Variants in OR51A4 observed in about 807,000 individuals in gnomAD.
OR51A4 encodes olfactory receptor 51A4.
For synonymous variants in OR51A4, 96 were observed against 141.5 expected (o/e 0.68, Z 2.28); for missense variants, 243 against 364.0 (o/e 0.67, Z 2.70).
Position 4,944,067 on chromosome 11 carries a change from G to A in OR51A4, c.*2092C>T, listed in dbSNP as rs1436848033. 2 of 443,638 alleles carry A rather than the reference G, an allele frequency of 4.5e-6. No individual in the cohort carries two copies. Among genetic ancestry groups the A allele is most frequent in the Non-Finnish European group, 9.0e-6 (2 of 223,422 alleles). 27.5% of individuals were successfully genotyped at this position (443,638 alleles called of 1,614,324 possible). ...CAATTAATAAAATATGTCAACTACT[G>A]CTTGGTTGTACTACAACCCCAAACC... On this transcript the variant is annotated 3_prime_UTR_variant, in exon 2 of 2. Transcript: ENST00000641898.
In OR51A4 at chr11:4,945,898, C is replaced by A; in HGVS notation, c.*261G>T. The A allele has an allele frequency of 2.2e-6, 1 of 464,546 alleles. No individual in the cohort carries two copies. The highest frequency in any genetic ancestry group is 3.9e-6 in the Non-Finnish European group (1 of 258,184). 28.8% of individuals were successfully genotyped at this position (464,546 alleles called of 1,614,324 possible). On this transcript the variant is annotated 3_prime_UTR_variant, in exon 2 of 2. Coordinates refer to ENST00000641898, the MANE Select transcript of OR51A4 (RefSeq NM_001005329.2). ...GCTGTAAAAATTATCATTTTTCTGT[C>A]TTGGTTGTAATTTGTTGCTTGTATC...
At position 4,946,103 on chromosome 11, in the gene OR51A4, A is replaced by T; in HGVS notation, c.*56T>A. 3 of 1,502,010 alleles carry T rather than the reference A, an allele frequency of 2.0e-6. No individual in the cohort carries two copies. The East Asian group carries it at 6.8e-5, about 34-fold the overall frequency. The allele number at this position is 1,502,010 out of a possible 1,614,324, so 93.0% of individuals were successfully genotyped here. A position where few individuals can be genotyped will look rare whatever the true frequency, so the allele number is the denominator to read the frequency against. ...CTTGGTGTCAAATATTAGGTTTCTC[A>T]AATTTACCTTAAATATCTTACCAGA... is the stretch of plus-strand genomic sequence containing the variant. On this transcript the variant is annotated 3_prime_UTR_variant, in exon 2 of 2. Transcript: ENST00000641898.
At position 4,945,836 on chromosome 11, in the gene OR51A4, T is replaced by C. The variant is rs1846290576; in HGVS notation, c.*323A>G. 5 of 350,268 alleles carry C rather than the reference T, an allele frequency of 1.4e-5. No homozygotes were observed. In the East Asian group the frequency reaches 2.1e-4, roughly 14 times the overall value. The allele number at this position is 350,268 out of a possible 1,614,324, so 21.7% of individuals were successfully genotyped here. ...CATTAAAAGAACTTGGTATAAGAGA[T>C]TGAATGTAGATAATGAGAAATCCAA... On this transcript the variant is annotated 3_prime_UTR_variant, in exon 2 of 2. Coordinates refer to ENST00000641898, the MANE Select transcript of OR51A4 (RefSeq NM_001005329.2).
chr11:4,944,581 A>G lies in OR51A4; in HGVS notation c.*1578T>C, dbSNP rs906064253. 1 of 152,226 alleles carries G rather than the reference A, an allele frequency of 6.6e-6. No individual in the cohort carries two copies. The highest frequency in any genetic ancestry group is 1.5e-5 in the Non-Finnish European group (1 of 68,122). 9.4% of individuals were successfully genotyped at this position (152,226 alleles called of 1,614,324 possible). A position where few individuals can be genotyped will look rare whatever the true frequency, so the allele number is the denominator to read the frequency against. On this transcript the variant is annotated 3_prime_UTR_variant, in exon 2 of 2. Coordinates refer to ENST00000641898, the MANE Select transcript of OR51A4 (RefSeq NM_001005329.2). The stretch of plus-strand genomic sequence containing the variant: ...TGACATTCCTGGAAGGTGTTTCTTG[A>G]TTCACCTGAGGTTAGAAGTGTAGGA...
intron 1 of OR51A4, among the ~76,000 whole-genome samples, 171 bp downstream of exon 1, chr11:4,947,374 C>T (rs1462740441): frequency 1.6e-5 from 2 of 124,950 alleles, no homozygotes; most frequent in Admixed American, 8.9e-5. Context: ...TATTTAGTTA[C>T]GCATCTGATT....
In OR51A4 at chr11:4,943,831, T is replaced by C; in HGVS notation, c.*2328A>G. 4.5e-6 allele frequency: 2 copies of C among 446,302 alleles called. 1 individual carries two copies. The highest frequency in any genetic ancestry group is 3.2e-5 in the South Asian group (2 of 61,684). 27.6% of individuals were successfully genotyped at this position (446,302 alleles called of 1,614,324 possible). Reference sequence around the variant, plus strand: ...CATTGAGATTTATGTATCTTTATTTTATTTTTCATTTCATTTTATTAAGAC... The same window carrying C: ...CATTGAGATTTATGTATCTTTATTTCATTTTTCATTTCATTTTATTAAGAC... On this transcript the variant is annotated 3_prime_UTR_variant, in exon 2 of 2. Coordinates refer to ENST00000641898, the MANE Select transcript of OR51A4 (RefSeq NM_001005329.2).
rs1846278535 is a variant in OR51A4, at chr11:4,945,344, C to A, written c.*815G>T. The A allele has an allele frequency of 6.6e-6, 1 of 152,090 alleles. No homozygotes were observed. The highest frequency in any genetic ancestry group is 2.4e-5 in the African/African-American group (1 of 41,414). The allele number at this position is 152,090 out of a possible 1,614,324, so 9.4% of individuals were successfully genotyped here. A position where few individuals can be genotyped will look rare whatever the true frequency, so the allele number is the denominator to read the frequency against. On this transcript the variant is annotated 3_prime_UTR_variant, in exon 2 of 2. Coordinates refer to ENST00000641898, the MANE Select transcript of OR51A4 (RefSeq NM_001005329.2). Reference sequence around the variant, plus strand: ...AAGAAAGCAAAGAGCTCTGTAAATTCAAAAACTGTTCAGTAGGTTGATGTG... The same window carrying A: ...AAGAAAGCAAAGAGCTCTGTAAATTAAAAAACTGTTCAGTAGGTTGATGTG...
Position 4,946,724 on chromosome 11 carries a change from A to C in OR51A4, c.377T>G (p.Leu126Arg). The C allele has an allele frequency of 6.3e-7, 1 of 1,589,818 alleles. No individual in the cohort carries two copies. The highest frequency in any genetic ancestry group is 8.6e-7 in the Non-Finnish European group (1 of 1,162,106). ...GTATCTCAGAGGGTTGTGGATGGCT[A>C]GGAATCTATCAAATGACATGATCAG... Reference protein sequence around the residue: ...VLLIMSFDRFLAIHNPLRYTS... With the variant: ...VLLIMSFDRFRAIHNPLRYTS... Residue 126 changes from leucine (L) to arginine (R), a missense_variant, in exon 2 of 2, where the codon CTA becomes CGA. By Grantham distance (102) the Leu-to-Arg change is moderately radical (BLOSUM62 -2). Coordinates refer to ENST00000641898, the MANE Select transcript of OR51A4 (RefSeq NM_001005329.2).
chr11:4,943,509 T>G lies in OR51A4; in HGVS notation c.*2650A>C, dbSNP rs1846247486. ...AGGTTTTTTTAATGCTTGGCACCAC[T>G]GACATTTTGTGCTAGATAATTCTTT... On this transcript the variant is annotated 3_prime_UTR_variant, in exon 2 of 2. Coordinates refer to ENST00000641898, the MANE Select transcript of OR51A4 (RefSeq NM_001005329.2). 2.2e-6 allele frequency: 1 copy of G among 456,240 alleles called. No homozygotes were observed. The highest frequency in any genetic ancestry group is 4.4e-6 in the Non-Finnish European group (1 of 226,640). 28.3% of individuals were successfully genotyped at this position (456,240 alleles called of 1,614,324 possible). A position where few individuals can be genotyped will look rare whatever the true frequency, so the allele number is the denominator to read the frequency against.
In OR51A4 at chr11:4,944,083, A is replaced by C. The variant is rs1419178777; in HGVS notation, c.*2076T>G. The C allele has an allele frequency of 2.2e-6, 1 of 450,952 alleles. No individual in the cohort carries two copies. Among genetic ancestry groups the C allele is most frequent in the South Asian group, 1.6e-5 (1 of 63,050 alleles). The allele number at this position is 450,952 out of a possible 1,614,324, so 27.9% of individuals were successfully genotyped here. ...TCAACTACTGCTTGGTTGTACTACAACCCCAAACCCATATCTGTATTTGTA... is the reference window on the plus strand; with the variant it reads ...TCAACTACTGCTTGGTTGTACTACACCCCCAAACCCATATCTGTATTTGTA... On this transcript the variant is annotated 3_prime_UTR_variant, in exon 2 of 2. Coordinates refer to ENST00000641898, the MANE Select transcript of OR51A4 (RefSeq NM_001005329.2).
At position 4,943,351 on chromosome 11, in the gene OR51A4, T is replaced by C. The variant is rs1261637092; in HGVS notation, c.*2808A>G. Reference sequence around the variant, plus strand: ...AAGTGAAGTCTTTCAGTTTTCTCAGTTTTTCACTGGTTTCCTTTCTGAGGA... The same window carrying C: ...AAGTGAAGTCTTTCAGTTTTCTCAGCTTTTCACTGGTTTCCTTTCTGAGGA... On this transcript the variant is annotated 3_prime_UTR_variant, in exon 2 of 2. Coordinates refer to ENST00000641898, the MANE Select transcript of OR51A4 (RefSeq NM_001005329.2). 2.8e-6 allele frequency: 1 copy of C among 353,396 alleles called. No homozygotes were observed. The highest frequency in any genetic ancestry group is 5.6e-6 in the Non-Finnish European group (1 of 179,092). 21.9% of individuals were successfully genotyped at this position (353,396 alleles called of 1,614,324 possible).
chr11:4,945,452 T>C lies in OR51A4; in HGVS notation c.*707A>G, dbSNP rs1175420487. On this transcript the variant is annotated 3_prime_UTR_variant, in exon 2 of 2. Transcript: ENST00000641898. ...TAGGGTCTTAGAATATGTTCCTTAT[T>C]GATTTAACTGTATTTCTAACAAAGG... 1 of 152,718 alleles carries C rather than the reference T, an allele frequency of 6.5e-6. No homozygotes were observed. The highest frequency in any genetic ancestry group is 1.9e-4 in the East Asian group (1 of 5,196). The allele number at this position is 152,718 out of a possible 1,614,324, so 9.5% of individuals were successfully genotyped here.
Position 4,943,061 on chromosome 11 carries a change from A to C in OR51A4, c.*3098T>G, listed in dbSNP as rs1846238717. Reference sequence around the variant, plus strand: ...CAGGCATATTCTCTCCACCTAATTCACATATTCTCTGCTTGGACTAAATGA... The same window carrying C: ...CAGGCATATTCTCTCCACCTAATTCCCATATTCTCTGCTTGGACTAAATGA... On this transcript the variant is annotated 3_prime_UTR_variant, in exon 2 of 2. Coordinates refer to ENST00000641898, the MANE Select transcript of OR51A4 (RefSeq NM_001005329.2). 6.3e-6 allele frequency: 1 copy of C among 157,778 alleles called. No homozygotes were observed. Among genetic ancestry groups the C allele is most frequent in the Non-Finnish European group, 1.4e-5 (1 of 71,836 alleles). The allele number at this position is 157,778 out of a possible 1,614,324, so 9.8% of individuals were successfully genotyped here. A position where few individuals can be genotyped will look rare whatever the true frequency, so the allele number is the denominator to read the frequency against.
rs1337542861 is a variant in OR51A4 at position 4,945,483 on chromosome 11, T to C, written c.*676A>G. 1.3e-5 allele frequency: 2 copies of C among 148,956 alleles called. No individual in the cohort carries two copies. Among genetic ancestry groups the C allele is most frequent in the Non-Finnish European group, 3.0e-5 (2 of 67,032 alleles). 9.2% of individuals were successfully genotyped at this position (148,956 alleles called of 1,614,324 possible). A position where few individuals can be genotyped will look rare whatever the true frequency, so the allele number is the denominator to read the frequency against. On this transcript the variant is annotated 3_prime_UTR_variant, in exon 2 of 2. Transcript: ENST00000641898. ...AACTGTATTTCTAACAAAGGAAGAG[T>C]TCAAATTTAAAAGAGACACTTACAC...
In OR51A4 at chr11:4,943,567, G is replaced by C; in HGVS notation, c.*2592C>G. 1 of 436,424 alleles carries C rather than the reference G, an allele frequency of 2.3e-6. No homozygotes were observed. Among genetic ancestry groups the C allele is most frequent in the Non-Finnish European group, 4.6e-6 (1 of 216,494 alleles). The allele number at this position is 436,424 out of a possible 1,614,324, so 27.0% of individuals were successfully genotyped here. On this transcript the variant is annotated 3_prime_UTR_variant, in exon 2 of 2. Coordinates refer to ENST00000641898, the MANE Select transcript of OR51A4 (RefSeq NM_001005329.2). ...GGGCTATCCTGTACATTAAAGAATG[G>C]TTAGTAGCGTCTCCGGCCTCTAATC...
At position 4,945,912 on chromosome 11, in the gene OR51A4, G is replaced by C. The variant is rs1475103889; in HGVS notation, c.*247C>G. 2.0e-6 allele frequency: 1 copy of C among 494,838 alleles called. No homozygotes were observed. Among genetic ancestry groups the C allele is most frequent in the South Asian group, 2.4e-5 (1 of 41,232 alleles). The allele number at this position is 494,838 out of a possible 1,614,324, so 30.7% of individuals were successfully genotyped here. A position where few individuals can be genotyped will look rare whatever the true frequency, so the allele number is the denominator to read the frequency against. On this transcript the variant is annotated 3_prime_UTR_variant, in exon 2 of 2. Coordinates refer to ENST00000641898, the MANE Select transcript of OR51A4 (RefSeq NM_001005329.2). ...CATTTTTCTGTCTTGGTTGTAATTT[G>C]TTGCTTGTATCGGAGATGCTATCAT...
At position 4,943,803 on chromosome 11, in the gene OR51A4, C is replaced by T. The variant is rs114160167; in HGVS notation, c.*2356G>A. 4.8e-3 allele frequency: 2,065 copies of T among 428,684 alleles called. 44 individuals carry two copies. The highest frequency in any genetic ancestry group is 0.039 in the African/African-American group (1,920 of 48,742). 26.6% of individuals were successfully genotyped at this position (428,684 alleles called of 1,614,324 possible). ...TATGCTGACCATAAATCTTCACCTC[C>T]CCCATTGAGATTTATGTATCTTTAT... On this transcript the variant is annotated 3_prime_UTR_variant, in exon 2 of 2. Transcript: ENST00000641898.
rs1224668173 is a variant in OR51A4 at position 4,943,083 on chromosome 11, A to G, written c.*3076T>C. 1 of 159,292 alleles carries G rather than the reference A, an allele frequency of 6.3e-6. No homozygotes were observed. The highest frequency in any genetic ancestry group is 1.4e-5 in the Non-Finnish European group (1 of 72,762). The allele number at this position is 159,292 out of a possible 1,614,324, so 9.9% of individuals were successfully genotyped here. ...TTCACATATTCTCTGCTTGGACTAA[A>G]TGATGCTCCCCTTCGTCCCTTATAA... On this transcript the variant is annotated 3_prime_UTR_variant, in exon 2 of 2. Coordinates refer to ENST00000641898, the MANE Select transcript of OR51A4 (RefSeq NM_001005329.2).
Position 4,946,030 on chromosome 11 carries a change from G to A in OR51A4, c.*129C>T. ...TCTATTCTCATTCGCAGTATCCAGA[G>A]TGAATAAAATAACTCTATGACAACA... On this transcript the variant is annotated 3_prime_UTR_variant, in exon 2 of 2. Transcript: ENST00000641898. The A allele has an allele frequency of 1.2e-6, 1 of 841,202 alleles. No homozygotes were observed. Among genetic ancestry groups the A allele is most frequent in the Admixed American group, 2.5e-5 (1 of 39,824 alleles). The allele number at this position is 841,202 out of a possible 1,614,324, so 52.1% of individuals were successfully genotyped here.
Sources: allele counts gnomAD v4.1 joint callset (sites outside exome capture counted in the v4.1 genomes callset), GRCh38; gene constraint gnomAD v4.1.1; transcripts MANE v1.5; gene names NCBI Gene and HGNC (gene_info 2026-07-23, HGNC 2026-07-21).